The following FAM114A1 variants were observed in gnomAD, a reference collection of about 807,000 sequenced individuals.
The protein encoded by FAM114A1 is protein NOXP20.
A neutral mutation model predicts 64.3 loss-of-function variants in FAM114A1; 62 were observed. That is an observed-to-expected ratio of 0.96 (90% CI 0.79 to 1.19). The LOEUF (loss-of-function observed/expected upper bound fraction) is 1.19, where lower values mean the gene tolerates loss of function less well. Ranked by LOEUF, FAM114A1 falls within the 50% of genes most tolerant of loss-of-function variation. The probability of loss-of-function intolerance (pLI) is 0.00; values close to 1 mark genes in which losing one functional copy is unlikely to be tolerated. For synonymous variants in FAM114A1, 254 were observed against 251.1 expected (o/e 1.01, Z -0.11); for missense variants, 645 against 676.3 (o/e 0.95, Z 0.51).
At chr4:38,932,029 G>A (rs1720684356) in intron 11 of FAM114A1, among the ~76,000 whole-genome samples, 2 of 152,228 alleles carry the variant, frequency 1.3e-5, no homozygotes, top group Non-Finnish European at 2.9e-5. Flanking sequence ...GCTGTGAACA[G>A]ACCTGCCACA....
chr4:38,896,600 A>G lies in FAM114A1; in HGVS notation c.436+4770A>G, dbSNP rs555266167. On this transcript the variant is annotated intron_variant, in intron 4 of 14. Transcript: ENST00000358869. ...CCTGAAACAGGTTGGAATGGGGCTCAAAGATCTGTGAACAGAGAATTTAAA... is the reference window on the plus strand; with the variant it reads ...CCTGAAACAGGTTGGAATGGGGCTCGAAGATCTGTGAACAGAGAATTTAAA... Among the ~76,000 whole-genome samples the G allele has an allele frequency of 2.8e-5, 4 of 144,528 alleles. No individual in the cohort carries two copies. In the East Asian group the frequency reaches 8.1e-4, roughly 29 times the overall value. 94.8% of individuals were successfully genotyped at this position (144,528 alleles called of 152,430 possible). A position where few individuals can be genotyped will look rare whatever the true frequency, so the allele number is the denominator to read the frequency against.
Position 38,943,670 on chromosome 4 carries a change from T to C in FAM114A1, c.*113T>C. ...GCCACAGACATCCATTTGAGGACACTACAAGCAATTTTGCACAGACAATAT... is the reference window on the plus strand; with the variant it reads ...GCCACAGACATCCATTTGAGGACACCACAAGCAATTTTGCACAGACAATAT... On this transcript the variant is annotated 3_prime_UTR_variant, in exon 15 of 15. Coordinates refer to ENST00000358869, the MANE Select transcript of FAM114A1 (RefSeq NM_138389.4). 1.2e-6 allele frequency: 1 copy of C among 801,526 alleles called. No homozygotes were observed. Among genetic ancestry groups the C allele is most frequent in the Non-Finnish European group, 2.1e-6 (1 of 481,698 alleles). 49.7% of individuals were successfully genotyped at this position (801,526 alleles called of 1,614,324 possible).
In FAM114A1 at chr4:38,878,274, A is replaced by G. The variant is rs139197115; in HGVS notation, c.196A>G (p.Ile66Val). Residue 66 changes from isoleucine (I) to valine (V), a missense_variant, in exon 3 of 15, where the codon ATT becomes GTT. Physicochemically the swap from Ile to Val is conservative, Grantham distance 29 (BLOSUM62 3). Coordinates refer to ENST00000358869, the MANE Select transcript of FAM114A1 (RefSeq NM_138389.4). The stretch of plus-strand genomic sequence containing the variant: ...TGTGCAGGGTGCAGGGGCTGCCGCC[A>G]TTGGGCCCCCTGTGCAGCCTCAGGA... ...AAVQGAGAAA[I>V]GPPVQPQDAN... 678 of 1,614,222 alleles carry G rather than the reference A, an allele frequency of 4.2e-4. 1 individual carries two copies. The highest frequency in any genetic ancestry group is 1.0e-3 in the Admixed American group (63 of 60,024).
rs1239535266 is a variant in FAM114A1 at position 38,933,518 on chromosome 4, G to A, written c.1463+1144G>A. Reference sequence around the variant, plus strand: ...GGTTGTATGTGTGCATGTATGTGTTGTCCTATATCATGTTCTTCAATAAAT... The same window carrying A: ...GGTTGTATGTGTGCATGTATGTGTTATCCTATATCATGTTCTTCAATAAAT... On this transcript the variant is annotated intron_variant, in intron 12 of 14. Coordinates refer to ENST00000358869, the MANE Select transcript of FAM114A1 (RefSeq NM_138389.4). Among the ~76,000 whole-genome samples, 6 of 152,044 alleles carry A rather than the reference G, an allele frequency of 3.9e-5. 1 individual carries two copies. The highest frequency in any genetic ancestry group is 8.8e-5 in the Non-Finnish European group (6 of 68,014).
intron 4 of FAM114A1, 76 bp from the exon 5 acceptor site, chr4:38,905,446 T>C: frequency 9.3e-7 from 1 of 1,070,936 alleles, no homozygotes; most frequent in Non-Finnish European, 1.4e-6. Context: ...TTGAAACAGC[T>C]TTGTAAGATT....
chr4:38,881,982 T>G (rs980971451), intron 3 of FAM114A1, among the ~76,000 whole-genome samples: 16 of 152,192 alleles, frequency 1.1e-4, no homozygotes, highest in Admixed American at 3.3e-4. Flanking sequence ...CCCATGTACA[T>G]CTACACCTGA....
In FAM114A1 at chr4:38,914,922, T is replaced by C. The variant is rs766612147; in HGVS notation, c.794T>C (p.Met265Thr). 9.9e-6 allele frequency: 16 copies of C among 1,613,574 alleles called. No individual in the cohort carries two copies. Among genetic ancestry groups the C allele is most frequent in the Admixed American group, 1.7e-5 (1 of 59,956 alleles). The change falls in exon 8 of 15, where the codon ATG becomes ACG. Residue 265 changes from methionine to threonine, a missense_variant and splice_region_variant. Met to Thr is a moderately conservative substitution (Grantham distance 81). Transcript: ENST00000358869. Reference protein sequence around the residue: ...LMERTVSLSQMLREAKEKEKQ... With the variant: ...LMERTVSLSQTLREAKEKEKQ... ...TACAAACATTGTGTATTTCTGCAGA[T>C]GTTAAGGGAAGCTAAGGAGAAGGAG... is the stretch of plus-strand genomic sequence containing the variant.
chr4:38,883,857 C>T (rs1242206045), intron 3 of FAM114A1, among the ~76,000 whole-genome samples: 4 of 152,194 alleles, frequency 2.6e-5, no homozygotes, highest in Admixed American at 6.5e-5. Flanking sequence ...CCAGTTTTGG[C>T]TTGGACAACC....
intron 2 of FAM114A1, among the ~76,000 whole-genome samples, chr4:38,871,623 G>C (rs1714089760): frequency 6.6e-6 from 1 of 152,116 alleles, no homozygotes. Context: ...CCACAGAGAG[G>C]AGTTTTACTG....
intron 4 of FAM114A1, among the ~76,000 whole-genome samples, chr4:38,892,222 G>T (rs6851685): frequency 0.23 from 34,914 of 152,054 alleles, 4,298 homozygotes; most frequent in Middle Eastern, 0.49. Context: ...AGTGCACAAC[G>T]CATCTACTCC....
rs566361114 is a variant in FAM114A1, at chr4:38,874,739, C to T, written c.-8-3332C>T. On this transcript the variant is annotated intron_variant, in intron 2 of 14. Transcript: ENST00000358869. ...GGAGTCTTTGTCATGAAATCTTTGCCAGGGCCGATATCCAGGATAGTGTTT... is the reference window on the plus strand; with the variant it reads ...GGAGTCTTTGTCATGAAATCTTTGCTAGGGCCGATATCCAGGATAGTGTTT... Among the ~76,000 whole-genome samples, 11 of 152,264 alleles carry T rather than the reference C, an allele frequency of 7.2e-5. No homozygotes were observed. In the South Asian group the frequency reaches 2.1e-3, roughly 29 times the overall value.
intron 6 of FAM114A1, among the ~76,000 whole-genome samples, chr4:38,907,022 G>A (rs10030125): frequency 0.43 from 65,785 of 151,968 alleles, 15,074 homozygotes; most frequent in South Asian, 0.59. Flanking sequence ...GGACTGAGGC[G>A]ACTGAACAAA....
At chr4:38,914,531 ACTC>A (rs1436562661) in intron 7 of FAM114A1, 1 of 155,918 alleles carries the variant, frequency 6.4e-6, no homozygotes, top group African/African-American at 2.4e-5. Flanking sequence ...GTGCCACTGC[ACTC>A]CAGCCTGAGC....
intron 12 of FAM114A1, among the ~76,000 whole-genome samples, chr4:38,935,042 G>A (rs563612965): frequency 6.6e-6 from 1 of 152,082 alleles, no homozygotes; most frequent in South Asian, 2.1e-4. Context: ...AGCCTCCCAA[G>A]TAGCTGAGAT....
chr4:38,870,630 G>C (rs1017986001), intron 2 of FAM114A1, among the ~76,000 whole-genome samples: 1 of 152,154 alleles, frequency 6.6e-6, no homozygotes, highest in Middle Eastern at 3.2e-3. Context: ...CAGCCTCCTT[G>C]TTTCTGTGGG....
chr4:38,893,204 C>A (rs1716564938), intron 4 of FAM114A1, among the ~76,000 whole-genome samples: 1 of 152,260 alleles, frequency 6.6e-6, no homozygotes, highest in Non-Finnish European at 1.5e-5. Context: ...AACTTAGTGG[C>A]TATCAAAAGG....
rs201062896 is a variant in FAM114A1 at position 38,900,221 on chromosome 4, AT to A, written c.437-5297del. On this transcript the variant is annotated intron_variant, in intron 4 of 14. Transcript: ENST00000358869. ...ATATTTCAGTATAAGAATGACGATT[AT>A]TTTAAAAAAAAAAAACAGAAAATAA... Among the ~76,000 whole-genome samples the A allele has an allele frequency of 6.0e-3, 674 of 111,748 alleles. 2 individuals carry two copies. The highest frequency in any genetic ancestry group is 0.011 in the Middle Eastern group (2 of 186). The allele number at this position is 111,748 out of a possible 152,430, so 73.3% of individuals were successfully genotyped here. A position where few individuals can be genotyped will look rare whatever the true frequency, so the allele number is the denominator to read the frequency against.
At chr4:38,932,973 C>G (rs892228899) in intron 12 of FAM114A1, among the ~76,000 whole-genome samples, 2 of 151,482 alleles carry the variant, frequency 1.3e-5, no homozygotes, top group African/African-American at 4.9e-5. Context: ...CCTGCCTCAG[C>G]CTCCCGAGTA....
Position 38,939,515 on chromosome 4 carries a change from A to C in FAM114A1, c.1537-1453A>C, listed in dbSNP as rs149156503. On this transcript the variant is annotated intron_variant, in intron 13 of 14. Transcript: ENST00000358869. The stretch of plus-strand genomic sequence containing the variant: ...TTAGAGGTTTATTGATAATCAAATA[A>C]ACATGAAAGCAAATACCATAATGGA... Among the ~76,000 whole-genome samples the C allele has an allele frequency of 1.5e-4, 23 of 152,338 alleles. No individual in the cohort carries two copies. The East Asian group carries it at 4.4e-3, about 29-fold the overall frequency.
Sources: allele counts gnomAD v4.1 joint callset (sites outside exome capture counted in the v4.1 genomes callset), GRCh38; gene constraint gnomAD v4.1.1; transcripts MANE v1.5; gene names NCBI Gene and HGNC (gene_info 2026-07-23, HGNC 2026-07-21).